SNRPA: variants seen among roughly 807,000 people sequenced by gnomAD.
The protein encoded by SNRPA is small nuclear ribonucleoprotein polypeptide A.
A neutral mutation model predicts 24.5 loss-of-function variants in SNRPA; 10 were observed. The ratio of observed to expected loss-of-function variants is 0.41; its 90% confidence interval spans 0.25 to 0.69. The LOEUF (loss-of-function observed/expected upper bound fraction) is 0.69, where lower values mean the gene tolerates loss of function less well. SNRPA is among the 30% of genes least tolerant of loss of function. The pLI is 0.33. For missense variants in SNRPA, 283 were observed against 394.7 expected, an observed-to-expected ratio of 0.72 and a Z score of 2.40; for synonymous variants, 165 against 148.4, an observed-to-expected ratio of 1.11 and a Z score of -0.81.
chr19:40,755,233 C>A (rs931362447), intron 1 of SNRPA, among the ~76,000 whole-genome samples: 5 of 150,004 alleles, frequency 3.3e-5, no homozygotes, highest in Non-Finnish European at 7.4e-5. Context: ...CCCTCCACCA[C>A]GCCTAGCTAA....
Position 40,751,414 on chromosome 19 carries a change from A to G in SNRPA, c.6A>G (p.Ala2=), listed in dbSNP as rs1228107641. 28 of 1,611,762 alleles carry G rather than the reference A, an allele frequency of 1.7e-5. No homozygotes were observed. The highest frequency in any genetic ancestry group is 2.2e-5 in the Non-Finnish European group (26 of 1,178,026). Residue 2 remains alanine (A), a synonymous_variant, in exon 1 of 6, where the codon GCA becomes GCG. Transcript: ENST00000243563. M[A]VPETRPNHTI... ...TTACCTCAACACTTCACTCCATGGC[A>G]GTTCCCGAGACCCGCCCTAACCACA...
At chr19:40,757,057 A>C (rs2082911498) in intron 1 of SNRPA, 1 of 399,606 alleles carries the variant, frequency 2.5e-6, no homozygotes, top group East Asian at 5.9e-5. Context: ...TCATTTATCG[A>C]GTGTTTACTA....
Position 40,757,354 on chromosome 19 carries a change from C to T in SNRPA, c.96C>T (p.Ala32=), listed in dbSNP as rs1299223841. Residue 32 remains alanine (A), a synonymous_variant, in exon 2 of 6, where the codon GCC becomes GCT. Transcript: ENST00000243563. ...CAGAGCTAAAAAAGTCCCTGTACGC[C>T]ATCTTCTCCCAGTTTGGCCAGATCC... is the stretch of plus-strand genomic sequence containing the variant. ...KKDELKKSLY[A]IFSQFGQILD... is the part of the protein sequence containing the mutation. The T allele has an allele frequency of 6.2e-7, 1 of 1,614,076 alleles. No individual in the cohort carries two copies. The highest frequency in any genetic ancestry group is 8.5e-7 in the Non-Finnish European group (1 of 1,179,996).
At position 40,762,567 on chromosome 19, in the gene SNRPA, CCT is replaced by C. The variant is rs561151938; in HGVS notation, c.427-330_427-329del. 5.3e-5 allele frequency among the ~76,000 whole-genome samples: 8 copies of C among 151,870 alleles called. No homozygotes were observed. The South Asian group carries it at 1.7e-3, about 32-fold the overall frequency. On this transcript the variant is annotated intron_variant, in intron 3 of 5. Transcript: ENST00000243563. ...CCCTGACTGTCCCTTTCCATCTCTTCCTCTCCTTTGATTTTGTTTAAGAGACA... is the reference window on the plus strand; with the variant it reads ...CCCTGACTGTCCCTTTCCATCTCTTCCTCCTTTGATTTTGTTTAAGAGACA...
Position 40,751,218 on chromosome 19 carries a change from C to T in SNRPA, c.-191C>T. ...CTCGAGAGTTCTCTCCGCACGCGGG[C>T]TGGAGAAGCGGGTCCTACGCACGCT... is the stretch of plus-strand genomic sequence containing the variant. On this transcript the variant is annotated 5_prime_UTR_variant, in exon 1 of 6. Coordinates refer to ENST00000243563, the MANE Select transcript of SNRPA (RefSeq NM_004596.5). The T allele has an allele frequency of 1.6e-6, 1 of 615,462 alleles. No individual in the cohort carries two copies. The highest frequency in any genetic ancestry group is 2.9e-6 in the Non-Finnish European group (1 of 339,718). The allele number at this position is 615,462 out of a possible 1,614,324, so 38.1% of individuals were successfully genotyped here.
Position 40,762,938 on chromosome 19 carries a change from A to C in SNRPA, c.464A>C (p.His155Pro). The C allele has an allele frequency of 6.2e-7, 1 of 1,613,686 alleles. No individual in the cohort carries two copies. The highest frequency in any genetic ancestry group is 8.5e-7 in the Non-Finnish European group (1 of 1,179,918). Residue 155 changes from histidine to proline, a missense_variant, in exon 4 of 6, where the codon CAC (histidine) becomes CCC (proline). Around this residue, in one of 6 missense-constraint regions of SNRPA, gnomAD observed 167 missense variants for 174.3 expected, o/e 0.96. Coordinates refer to ENST00000243563, the MANE Select transcript of SNRPA (RefSeq NM_004596.5). ...PPMTQAPRIMHHMPGQPPYMP... is the reference protein window; with the variant it reads ...PPMTQAPRIMPHMPGQPPYMP... ...ATGACTCAGGCGCCCCGCATTATGC[A>C]CCACATGCCGGGCCAGCCGCCCTAC...
intron 2 of SNRPA, among the ~76,000 whole-genome samples, chr19:40,758,203 G>A (rs2082916653): frequency 6.6e-6 from 1 of 152,012 alleles, no homozygotes; most frequent in South Asian, 2.1e-4. Flanking sequence ...CTGAGCTCAA[G>A]TGATCTGCCT....
chr19:40,751,353 C>G lies in SNRPA; in HGVS notation c.-56C>G. The G allele has an allele frequency of 7.4e-7, 1 of 1,358,754 alleles. No homozygotes were observed. Among genetic ancestry groups the G allele is most frequent in the South Asian group, 1.2e-5 (1 of 85,864 alleles). The allele number at this position is 1,358,754 out of a possible 1,614,324, so 84.2% of individuals were successfully genotyped here. ...CGTTGGGACAAAGGATTTGGAGAAA[C>G]CCAGGGCTAAAGTCACGTTTTTCCT... On this transcript the variant is annotated 5_prime_UTR_variant, in exon 1 of 6. Transcript: ENST00000243563.
rs1168040102 is a variant in SNRPA at position 40,759,462 on chromosome 19, T to A, written c.278T>A (p.Ile93Asn). Residue 93 changes from isoleucine (I) to asparagine (N), a missense_variant, in exon 3 of 6, where the codon ATC becomes AAC. Physicochemically the swap from Ile to Asn is moderately radical, Grantham distance 149. Around this residue, in one of 6 missense-constraint regions of SNRPA, gnomAD observed 167 missense variants for 174.3 expected, o/e 0.96. Coordinates refer to ENST00000243563, the MANE Select transcript of SNRPA (RefSeq NM_004596.5). ...RIQYAKTDSD[I>N]IAKMKGTFVE... The stretch of plus-strand genomic sequence containing the variant: ...CAGTATGCCAAGACCGACTCAGATA[T>A]CATTGCCAAGATGAAAGGCACCTTC... 1.2e-6 allele frequency: 2 copies of A among 1,613,490 alleles called. No homozygotes were observed. The highest frequency in any genetic ancestry group is 3.3e-5 in the Admixed American group (2 of 59,864).
intron 1 of SNRPA, 44 bp downstream of exon 1, chr19:40,751,525 G>GACAGT: frequency 4.3e-6 from 6 of 1,410,364 alleles, no homozygotes; most frequent in Non-Finnish European, 6.0e-6. Flanking sequence ...TCCCGCACGG[G>GACAGT]CTGGCCCCTC....
chr19:40,752,351 A>C (rs2082881648), intron 1 of SNRPA, among the ~76,000 whole-genome samples: 1 of 151,894 alleles, frequency 6.6e-6, no homozygotes, highest in South Asian at 2.1e-4. Flanking sequence ...AAAAAAAGAA[A>C]GAAAAGAAAA....
intron 1 of SNRPA, 60 bp from the exon 2 acceptor site, chr19:40,757,272 A>G (rs2082912311): frequency 2.6e-6 from 4 of 1,547,530 alleles, no homozygotes; most frequent in East Asian, 2.2e-5. Flanking sequence ...ATGGTCTTCT[A>G]TTTGGGCTGC....
chr19:40,763,420 G>C, intron 4 of SNRPA, 167 bp from the exon 5 acceptor site: 1 of 661,076 alleles, frequency 1.5e-6, no homozygotes, highest in East Asian at 2.7e-5. Flanking sequence ...GTCTGTAGGG[G>C]CAAAGAGGTG....
Position 40,763,611 on chromosome 19 carries a change from A to G in SNRPA, c.625A>G (p.Ile209Val). 6.2e-7 allele frequency: 1 copy of G among 1,614,096 alleles called. No homozygotes were observed. ...GCTTTCTGAGAATCCACCGAATCAC[A>G]TCTTGTTCCTCACCAACCTGCCAGA... is the stretch of plus-strand genomic sequence containing the variant. ...QPLSENPPNH[I>V]LFLTNLPEET... The change falls in exon 5 of 6, where the codon ATC becomes GTC. Residue 209 changes from isoleucine to valine, a missense_variant. This residue lies in a region of SNRPA where 51 missense variants were observed against 110.3 expected (regional missense o/e 0.46). Coordinates refer to ENST00000243563, the MANE Select transcript of SNRPA (RefSeq NM_004596.5).
chr19:40,757,299 G>A, intron 1 of SNRPA, 33 bp from the exon 2 acceptor site: 1 of 1,610,210 alleles, frequency 6.2e-7, no homozygotes, highest in Admixed American at 1.7e-5. Context: ...TCTAAAAAGG[G>A]GAGCTCAAAG....
At chr19:40,763,392 G>A (rs1421388403) in intron 4 of SNRPA, 195 bp from the exon 5 acceptor site, 2 of 623,050 alleles carry the variant, frequency 3.2e-6, no homozygotes, top group East Asian at 5.5e-5. Context: ...AGAAACCTCT[G>A]CTGTCCTGTG....
chr19:40,759,709 C>T lies in SNRPA; in HGVS notation c.426+99C>T. Reference sequence around the variant, plus strand: ...GGTGGGGAGAGTTCTCCCCTTGGGGCTTCAGACCCCTCCTTTCCATTTCTT... The same window carrying T: ...GGTGGGGAGAGTTCTCCCCTTGGGGTTTCAGACCCCTCCTTTCCATTTCTT... On this transcript the variant is annotated intron_variant, in intron 3 of 5. Coordinates refer to ENST00000243563, the MANE Select transcript of SNRPA (RefSeq NM_004596.5). 2.9e-6 allele frequency: 3 copies of T among 1,031,144 alleles called. No individual in the cohort carries two copies. In the Admixed American group the frequency reaches 9.0e-5, roughly 31 times the overall value. The allele number at this position is 1,031,144 out of a possible 1,614,324, so 63.9% of individuals were successfully genotyped here. A position where few individuals can be genotyped will look rare whatever the true frequency, so the allele number is the denominator to read the frequency against.
chr19:40,761,994 C>G (rs2082934984), intron 3 of SNRPA, among the ~76,000 whole-genome samples: 1 of 152,096 alleles, frequency 6.6e-6, no homozygotes, highest in African/African-American at 2.4e-5. Context: ...CGGTGCCACT[C>G]ACACTTTCTC....
chr19:40,763,544 A>C, intron 4 of SNRPA, 43 bp from the exon 5 acceptor site: 4 of 1,497,650 alleles, frequency 2.7e-6, no homozygotes, highest in Non-Finnish European at 2.8e-6. Flanking sequence ...CTCCCACTGG[A>C]CTCAGGGCTC....
Sources: gnomAD v4.1 joint callset for allele counts (sites outside exome capture counted in the v4.1 genomes callset) on GRCh38, gnomAD v4.1.1 for gene constraint, gnomAD v4.1.1 regional missense constraint, MANE v1.5 for transcripts, NCBI Gene and HGNC (gene_info 2026-07-23, HGNC 2026-07-21) for gene names.